RTF2: variants seen among roughly 807,000 people sequenced by gnomAD.
The protein encoded by RTF2 is UPF0549 protein C20orf43.
RTF2 carries 18 observed loss-of-function variants against 38.0 expected under a neutral mutation model. The ratio of observed to expected loss-of-function variants is 0.47; its 90% CI spans 0.33 to 0.70. RTF2 has a LOEUF of 0.70. Ranked by LOEUF, RTF2 falls within the 30% of genes least tolerant of loss-of-function variation. RTF2 has a pLI of 0.02. For missense variants in RTF2, 311 were observed against 379.6 expected (o/e 0.82, Z 1.50); for synonymous variants, 126 against 137.1 (o/e 0.92, Z 0.57).
chr20:56,476,961 T>C, intron 3 of RTF2, 24 bp from the exon 4 acceptor site: 1 of 1,612,018 alleles, frequency 6.2e-7, no homozygotes, highest in Non-Finnish European at 8.5e-7. Context: ...AATGAATTGT[T>C]AAAATATTAA....
intron 5 of RTF2, chr20:56,491,722 C>G: frequency 6.4e-7 from 1 of 1,552,150 alleles, no homozygotes; most frequent in East Asian, 2.4e-5. Context: ...ACAGAGAAGG[C>G]GACTGAATGA....
At chr20:56,504,834 G>T (rs1364804117) in intron 5 of RTF2, among the ~76,000 whole-genome samples, 1 of 152,236 alleles carries the variant, frequency 6.6e-6, no homozygotes, top group Admixed American at 6.5e-5. Flanking sequence ...CGCCTAAGCG[G>T]GATGTGTGGT....
chr20:56,517,585 G>C (rs77289048), intron 8 of RTF2, among the ~76,000 whole-genome samples: 1 of 152,126 alleles, frequency 6.6e-6, no homozygotes, highest in African/African-American at 2.4e-5. Context: ...TGGGCTCCAC[G>C]TGTGGCTCTC....
intron 5 of RTF2, 77 bp from the exon 6 acceptor site, chr20:56,513,238 C>T: frequency 6.5e-7 from 1 of 1,531,068 alleles, no homozygotes; most frequent in South Asian, 1.2e-5. Context: ...CTGCTTGGGG[C>T]TGAGAGTGGG....
intron 5 of RTF2, among the ~76,000 whole-genome samples, chr20:56,498,966 T>G (rs927382501): frequency 6.6e-6 from 1 of 152,182 alleles, no homozygotes; most frequent in South Asian, 2.1e-4. Context: ...GTTCTTAAAC[T>G]CTGAGCCAAC....
intron 5 of RTF2, among the ~76,000 whole-genome samples, chr20:56,488,075 G>A (rs1036307191): frequency 3.3e-5 from 5 of 152,148 alleles, no homozygotes; most frequent in East Asian, 1.9e-4. Flanking sequence ...ATCATAGAGC[G>A]TGGGGCCAGA....
chr20:56,482,639 A>T (rs1982580695), intron 4 of RTF2, among the ~76,000 whole-genome samples: 1 of 152,270 alleles, frequency 6.6e-6, no homozygotes, highest in Non-Finnish European at 1.5e-5. Context: ...ATTTGTAAGT[A>T]TCTATAAAAT....
intron 5 of RTF2, among the ~76,000 whole-genome samples, chr20:56,506,379 G>C (rs528047290): frequency 6.6e-6 from 1 of 152,322 alleles, no homozygotes; most frequent in East Asian, 1.9e-4. Context: ...TGTCTCGGAA[G>C]TGGAATTCCT....
At position 56,516,939 on chromosome 20, in the gene RTF2, C is replaced by G; in HGVS notation, c.596C>G (p.Thr199Arg). ...RRLRAKLEKK[T>R]KKPKAAESVS... The stretch of plus-strand genomic sequence containing the variant: ...ACATTCTCTATCTTTTTGTAGAAAA[C>G]AAAGAAACCCAAGGCAGCAGAGTCT... The change falls in exon 7 of 9, where the codon ACA becomes AGA. Residue 199 changes from threonine (T) to arginine (R), a missense_variant. Physicochemically the swap from Thr to Arg is moderately conservative, Grantham distance 71 (BLOSUM62 -1). Transcript: ENST00000357348. 6.2e-7 allele frequency: 1 copy of G among 1,613,852 alleles called. No homozygotes were observed. The highest frequency in any genetic ancestry group is 8.5e-7 in the Non-Finnish European group (1 of 1,179,780).
chr20:56,470,483 C>T (rs1981902013), intron 1 of RTF2: 1 of 431,658 alleles, frequency 2.3e-6, no homozygotes, highest in Non-Finnish European at 4.7e-6. Context: ...CAGAGTCTAG[C>T]CCTGGTGGAG....
At chr20:56,475,415 G>T (rs1395557515) in intron 3 of RTF2, among the ~76,000 whole-genome samples, 1 of 152,124 alleles carries the variant, frequency 6.6e-6, no homozygotes, top group African/African-American at 2.4e-5. Context: ...TCTAGGTTTT[G>T]CCTTCTTTTT....
chr20:56,493,764 CCATTTAGA>C (rs1983328611), intron 5 of RTF2, among the ~76,000 whole-genome samples: 1 of 151,906 alleles, frequency 6.6e-6, no homozygotes, highest in Non-Finnish European at 1.5e-5. Context: ...TACAGCTGTG[CCATTTAGA>C]CACAGATGAA....
At chr20:56,472,045 G>A (rs1286572531) in intron 1 of RTF2, among the ~76,000 whole-genome samples, 2 of 152,062 alleles carry the variant, frequency 1.3e-5, no homozygotes, top group Non-Finnish European at 2.9e-5. Flanking sequence ...GGCAACACAG[G>A]GAGACCTCTT....
At chr20:56,468,966 A>G (rs1214796630) in intron 1 of RTF2, among the ~76,000 whole-genome samples, 200 bp downstream of exon 1, 1 of 152,240 alleles carries the variant, frequency 6.6e-6, no homozygotes, top group Non-Finnish European at 1.5e-5. Flanking sequence ...TTCACTGGAC[A>G]GTAATCTTAA....
At chr20:56,515,171 GA>G (rs1233099459) in intron 6 of RTF2, among the ~76,000 whole-genome samples, 1 of 152,022 alleles carries the variant, frequency 6.6e-6, no homozygotes, top group African/African-American at 2.4e-5. Flanking sequence ...TTGTAAGAGA[GA>G]AAAAAAGAGG....
intron 5 of RTF2, among the ~76,000 whole-genome samples, chr20:56,499,265 C>T (rs1409308838): frequency 1.4e-5 from 2 of 146,032 alleles, no homozygotes; most frequent in South Asian, 2.2e-4. Context: ...GGTGCGATCT[C>T]GGCTCACCAC....
chr20:56,510,986 TC>T (rs145439162), intron 5 of RTF2, among the ~76,000 whole-genome samples: 3,595 of 152,280 alleles, frequency 0.024, 149 homozygotes, highest in African/African-American at 0.081. Flanking sequence ...ATGAGTATGT[TC>T]CATAAATGAA....
intron 1 of RTF2, chr20:56,470,794 T>C: frequency 5.1e-6 from 2 of 392,798 alleles, no homozygotes; most frequent in South Asian, 3.6e-5. Flanking sequence ...GGTTTGGAGA[T>C]TTTCTGGGTT....
At chr20:56,514,817 G>C (rs957691403) in intron 6 of RTF2, among the ~76,000 whole-genome samples, 1 of 152,180 alleles carries the variant, frequency 6.6e-6, no homozygotes, top group South Asian at 2.1e-4. Context: ...TCTGAATTCA[G>C]ATGCGAGTAG....
Sources: gnomAD v4.1 joint callset for allele counts (sites outside exome capture counted in the v4.1 genomes callset) on GRCh38, gnomAD v4.1.1 for gene constraint, MANE v1.5 for transcripts, NCBI Gene and HGNC (gene_info 2026-07-23, HGNC 2026-07-21) for gene names.